The following AKAP10 variants were observed in gnomAD, a reference collection of about 807,000 sequenced individuals.
The protein encoded by AKAP10 is A-kinase anchor protein 10, mitochondrial.
Under a neutral mutation model 80.8 loss-of-function variants are expected in AKAP10, and 24 were observed. The ratio of observed to expected loss-of-function variants is 0.30; its 90% CI spans 0.22 to 0.42. AKAP10 has a LOEUF of 0.42. Ranked by LOEUF, AKAP10 falls within the 10% of genes least tolerant of loss-of-function variation. AKAP10 has a pLI of 1.00. For missense variants in AKAP10, 661 were observed against 794.9 expected (o/e 0.83, Z 2.03); for synonymous variants, 291 against 277.7 (o/e 1.05, Z -0.48).
At chr17:19,946,253 A>ATAT (rs2043119266) in intron 5 of AKAP10, among the ~76,000 whole-genome samples, 2 of 20,822 alleles carry the variant, frequency 9.6e-5, no homozygotes, top group African/African-American at 3.9e-4. Flanking sequence ...ATATATATAT[A>ATAT]TATATATATA....
At chr17:19,910,525 G>A (rs2042678756) in intron 12 of AKAP10, among the ~76,000 whole-genome samples, 1 of 152,132 alleles carries the variant, frequency 6.6e-6, no homozygotes, top group Non-Finnish European at 1.5e-5. Flanking sequence ...CTTTTGAAAA[G>A]GTGTTTCAGA....
At chr17:19,975,092 A>C (rs906000827) in intron 1 of AKAP10, among the ~76,000 whole-genome samples, 2 of 151,552 alleles carry the variant, frequency 1.3e-5, no homozygotes, top group Non-Finnish European at 2.9e-5. Flanking sequence ...AGTGACTCAA[A>C]TATGGCTCAT....
At chr17:19,932,257 C>CAT in intron 9 of AKAP10, among the ~76,000 whole-genome samples, 1 of 151,932 alleles carries the variant, frequency 6.6e-6, no homozygotes, top group South Asian at 2.1e-4. Context: ...TCAAGACCAG[C>CAT]CTGGCCAACA....
At chr17:19,913,038 T>A (rs1597488061) in intron 12 of AKAP10, among the ~76,000 whole-genome samples, 1 of 151,416 alleles carries the variant, frequency 6.6e-6, no homozygotes, top group African/African-American at 2.4e-5. Context: ...AATGTAGTGG[T>A]GCATTATCAG....
chr17:19,947,241 T>TTTA (rs1304698934), intron 5 of AKAP10, 166 bp downstream of exon 5: 1 of 613,842 alleles, frequency 1.6e-6, no homozygotes, highest in Non-Finnish European at 2.8e-6. Context: ...CCGAGAAACT[T>TTTA]TTAAAGTGAG....
chr17:19,946,222 T>TTATATATATATATATATTATATATATATA (rs1170911920), intron 5 of AKAP10, among the ~76,000 whole-genome samples: 1 of 33,960 alleles, frequency 2.9e-5, no homozygotes. Context: ...TATATATATT[T>TTATATATATATATATATTATATATATATA]TATATATATA....
chr17:19,924,566 G>T, intron 10 of AKAP10, 49 bp from the exon 11 acceptor site: 1 of 1,239,694 alleles, frequency 8.1e-7, no homozygotes, highest in Non-Finnish European at 1.1e-6. Context: ...ATCAGTCCTG[G>T]GCTTGGAATG....
chr17:19,952,320 C>G (rs2043224723), intron 4 of AKAP10, among the ~76,000 whole-genome samples: 1 of 151,744 alleles, frequency 6.6e-6, no homozygotes, highest in Non-Finnish European at 1.5e-5. Context: ...AAAAAATCAG[C>G]CAGGCATGGT....
intron 4 of AKAP10, among the ~76,000 whole-genome samples, chr17:19,955,107 A>T (rs2043259043): frequency 6.6e-6 from 1 of 152,024 alleles, no homozygotes; most frequent in Admixed American, 6.6e-5. Context: ...CTATAATCCC[A>T]GCTACTAGGG....
At chr17:19,951,272 G>A (rs1440535679) in intron 4 of AKAP10, among the ~76,000 whole-genome samples, 1 of 151,280 alleles carries the variant, frequency 6.6e-6, no homozygotes, top group Non-Finnish European at 1.5e-5. Context: ...CATCCGGGAG[G>A]GAGGTGGGGG....
chr17:19,971,351 A>G (rs572710649), intron 1 of AKAP10, among the ~76,000 whole-genome samples: 1 of 151,926 alleles, frequency 6.6e-6, no homozygotes, highest in South Asian at 2.1e-4. Context: ...GCCACTAAAA[A>G]TAGGAAAATG....
At position 19,977,727 on chromosome 17, in the gene AKAP10, C is replaced by T; in HGVS notation, c.-48G>A. ...GGGTCCAGAGGGGCCGCTGCACTAG[C>T]GCGAAAAGGGACCCTTCTTCCGGGA... is the stretch of plus-strand genomic sequence containing the variant. On this transcript the variant is annotated 5_prime_UTR_variant, in exon 1 of 15. Coordinates refer to ENST00000225737, the MANE Select transcript of AKAP10 (RefSeq NM_007202.4). The T allele has an allele frequency of 8.7e-7, 1 of 1,148,974 alleles. No homozygotes were observed. Among genetic ancestry groups the T allele is most frequent in the Non-Finnish European group, 1.1e-6 (1 of 909,416 alleles). 71.2% of individuals were successfully genotyped at this position (1,148,974 alleles called of 1,614,324 possible).
intron 4 of AKAP10, among the ~76,000 whole-genome samples, chr17:19,953,011 ATTT>A (rs1014308651): frequency 6.6e-6 from 1 of 152,078 alleles, no homozygotes; most frequent in Non-Finnish European, 1.5e-5. Context: ...ATTTTAAAAA[ATTT>A]TTTAATGTTA....
intron 9 of AKAP10, among the ~76,000 whole-genome samples, chr17:19,935,438 AAATT>A (rs1192781317): frequency 2.6e-5 from 4 of 152,076 alleles, no homozygotes; most frequent in Non-Finnish European, 4.4e-5. Context: ...AGGCTACACT[AAATT>A]TATTTAAAAT....
chr17:19,931,551 C>T (rs934783214), intron 10 of AKAP10, among the ~76,000 whole-genome samples: 2 of 151,868 alleles, frequency 1.3e-5, no homozygotes, highest in African/African-American at 4.8e-5. Flanking sequence ...CCACCATGCC[C>T]GGCTAATTTT....
Position 19,958,059 on chromosome 17 carries a change from T to C in AKAP10, c.832A>G (p.Ser278Gly), listed in dbSNP as rs1487423806. The change falls in exon 4 of 15, where the codon AGT becomes GGT. Residue 278 changes from serine (S) to glycine (G), a missense_variant. Physicochemically the swap from Ser to Gly is moderately conservative, Grantham distance 56. Transcript: ENST00000225737. Reference sequence around the variant, plus strand: ...AATTCTTTTAGTGGAGAAGCGGGACTATTTCTACTGGCTACTGTAAGTGTA... The same window carrying C: ...AATTCTTTTAGTGGAGAAGCGGGACCATTTCTACTGGCTACTGTAAGTGTA... ...SSTLTVASRN[S>G]PASPLKELSG... 2 of 1,613,998 alleles carry C rather than the reference T, an allele frequency of 1.2e-6. No homozygotes were observed. The highest frequency in any genetic ancestry group is 1.7e-5 in the Admixed American group (1 of 59,978).
rs76050585 is a variant in AKAP10 at position 19,948,870 on chromosome 17, A to G, written c.878-1365T>C. On this transcript the variant is annotated intron_variant, in intron 4 of 14. Coordinates refer to ENST00000225737, the MANE Select transcript of AKAP10 (RefSeq NM_007202.4). ...CATAAGCAGATAAGATACAAAACTG[A>G]ACTGATGATGGAACCAGAGCCGACA... Among the ~76,000 whole-genome samples, 407 of 152,278 alleles carry G rather than the reference A, an allele frequency of 2.7e-3. 15 individuals are homozygous for G. In the East Asian group the frequency reaches 0.074, roughly 28 times the overall value.
chr17:19,933,702 T>C (rs1267109831), intron 9 of AKAP10, among the ~76,000 whole-genome samples: 1 of 152,190 alleles, frequency 6.6e-6, no homozygotes, highest in African/African-American at 2.4e-5. Flanking sequence ...ACTAGCTATT[T>C]AATGATTTGA....
intron 2 of AKAP10, among the ~76,000 whole-genome samples, chr17:19,963,363 G>A (rs917750358): frequency 6.6e-6 from 1 of 151,638 alleles, no homozygotes; most frequent in Non-Finnish European, 1.5e-5. Context: ...TTACAGGCAT[G>A]AGCCACCACA....
Sources: gnomAD v4.1 joint callset for allele counts (sites outside exome capture counted in the v4.1 genomes callset) on GRCh38, gnomAD v4.1.1 for gene constraint, MANE v1.5 for transcripts, NCBI Gene and HGNC (gene_info 2026-07-23, HGNC 2026-07-21) for gene names.